Variants in ANK3 observed in about 807,000 individuals in gnomAD.
ANK3 encodes ankyrin 3, also known as ankyrin-3.
Under a neutral mutation model 370.9 loss-of-function variants are expected in ANK3, and 57 were observed. The ratio of observed to expected loss-of-function variants is 0.15; its 90% CI spans 0.12 to 0.19. The LOEUF (loss-of-function observed/expected upper bound fraction) is 0.19, where lower values mean the gene tolerates loss of function less well. ANK3 is among the 10% of genes least tolerant of loss of function. The probability of loss-of-function intolerance (pLI) is 1.00; values close to 1 mark genes in which losing one functional copy is unlikely to be tolerated. For synonymous variants in ANK3, 1,929 were observed against 1,946.3 expected (o/e 0.99, Z 0.23); for missense variants, 4,439 against 5,302.1 (o/e 0.84, Z 5.06).
intron 2 of ANK3, among the ~76,000 whole-genome samples, chr10:60,469,328 T>TAC (rs376508243): frequency 0.017 from 50 of 3,028 alleles, 1 homozygote; most frequent in African/African-American, 0.021. Context: ...TGTATATATA[T>TAC]ATATACCACT....
At chr10:60,732,684 G>GAAAAC (rs901512388) in intron 1 of ANK3, among the ~76,000 whole-genome samples, 5 of 151,904 alleles carry the variant, frequency 3.3e-5, no homozygotes, top group African/African-American at 9.7e-5. Flanking sequence ...TTTCAAAAAA[G>GAAAAC]AAAACAAAAC....
Position 60,082,612 on chromosome 10 carries a change from T to C in ANK3, c.4323+3A>G. ...GACAATTTAAAGCAGTATTAAAAGATACCTTTTTATGTGCTGGCAGAGTGA... is the reference window on the plus strand; with the variant it reads ...GACAATTTAAAGCAGTATTAAAAGACACCTTTTTATGTGCTGGCAGAGTGA... On this transcript the variant is annotated splice_donor_region_variant and intron_variant, in intron 34 of 43. Transcript: ENST00000280772. 1.2e-6 allele frequency: 2 copies of C among 1,613,386 alleles called. No individual in the cohort carries two copies. The highest frequency in any genetic ancestry group is 1.7e-6 in the Non-Finnish European group (2 of 1,179,764).
intron 18 of ANK3, among the ~76,000 whole-genome samples, chr10:60,180,654 C>A (rs1475401836): frequency 1.5e-5 from 2 of 136,596 alleles, no homozygotes; most frequent in Non-Finnish European, 3.1e-5. Context: ...ACAAATGACA[C>A]AAATCTGATA....
intron 1 of ANK3, among the ~76,000 whole-genome samples, chr10:60,342,520 G>C (rs1239486518): frequency 6.6e-6 from 1 of 152,162 alleles, no homozygotes; most frequent in African/African-American, 2.4e-5. Flanking sequence ...AATCAGTGAA[G>C]GGACACTCTG....
At position 60,070,780 on chromosome 10, in the gene ANK3, T is replaced by A. The variant is rs779742640; in HGVS notation, c.10101A>T (p.Lys3367Asn). ...QKELESNGSG[K>N]DNEFGLGLDS... Reference sequence around the variant, plus strand: ...CAAGGCCAAGGCCAAATTCATTATCTTTTCCAGATCCATTACTTTCCAGTT... The same window carrying A: ...CAAGGCCAAGGCCAAATTCATTATCATTTCCAGATCCATTACTTTCCAGTT... The change falls in exon 37 of 44, where the codon AAA (lysine) becomes AAT (asparagine). Residue 3367 changes from lysine to asparagine, a missense_variant. This residue lies in a region of ANK3 where 1,601 missense variants were observed against 1,731.7 expected (regional missense o/e 0.92). Transcript: ENST00000280772. The surrounding 1 kb of genome is among the most constrained non-coding windows in gnomAD (Gnocchi z 5.7). 6.2e-7 allele frequency: 1 copy of A among 1,614,098 alleles called. No homozygotes were observed. Among genetic ancestry groups the A allele is most frequent in the Non-Finnish European group, 8.5e-7 (1 of 1,180,034 alleles).
intron 1 of ANK3, among the ~76,000 whole-genome samples, chr10:60,715,543 C>A (rs2079774246): frequency 6.6e-6 from 1 of 152,080 alleles, no homozygotes; most frequent in Non-Finnish European, 1.5e-5. Context: ...ACAAAGAGAA[C>A]AATTTAAACA....
intron 2 of ANK3, among the ~76,000 whole-genome samples, chr10:60,408,690 C>T (rs757456991): frequency 8.5e-5 from 13 of 152,150 alleles, no homozygotes; most frequent in Non-Finnish European, 1.3e-4. Flanking sequence ...AAGTATCAAT[C>T]TCTTTACTCC....
chr10:60,321,877 A>G (rs2048746297), intron 1 of ANK3, among the ~76,000 whole-genome samples: 1 of 152,158 alleles, frequency 6.6e-6, no homozygotes, highest in African/African-American at 2.4e-5. Flanking sequence ...TTTTTTTTCA[A>G]TATACCCACA....
intron 18 of ANK3, among the ~76,000 whole-genome samples, chr10:60,173,978 C>T (rs549855052): frequency 5.9e-5 from 9 of 152,154 alleles, no homozygotes; most frequent in East Asian, 3.9e-4. Context: ...CATACTACCC[C>T]GCAATTTCAG....
intron 1 of ANK3, among the ~76,000 whole-genome samples, chr10:60,350,759 A>G (rs2056683564): frequency 6.6e-6 from 1 of 152,168 alleles, no homozygotes; most frequent in African/African-American, 2.4e-5. Context: ...TCAAAAAGGA[A>G]AAGGATCCCA....
At chr10:60,372,784 G>A (rs563962890) in intron 1 of ANK3, among the ~76,000 whole-genome samples, 21 of 152,132 alleles carry the variant, frequency 1.4e-4, no homozygotes, top group Non-Finnish European at 1.8e-4. Flanking sequence ...CTTCGAAACC[G>A]ATGTATTTAT....
intron 2 of ANK3, among the ~76,000 whole-genome samples, chr10:60,506,392 C>T (rs2075942531): frequency 6.6e-6 from 1 of 152,036 alleles, no homozygotes; most frequent in African/African-American, 2.4e-5. Flanking sequence ...TATTTCCGAA[C>T]TTCTATTAAA....
Position 60,200,125 on chromosome 10 carries a change from A to G in ANK3, c.1491+4T>C, listed in dbSNP as rs765680287. On this transcript the variant is annotated splice_donor_region_variant and intron_variant, in intron 13 of 43. Coordinates refer to ENST00000280772, the MANE Select transcript of ANK3 (RefSeq NM_020987.5). ...TTCAAACACTTGTCAAGTATTGCGC[A>G]TACCTTAGCTTTAGCTTCTACCTGA... The G allele has an allele frequency of 5.0e-6, 8 of 1,612,980 alleles. No homozygotes were observed. The highest frequency in any genetic ancestry group is 1.6e-4 in the Middle Eastern group (1 of 6,082).
At chr10:60,669,379 G>C (rs1037701090) in intron 1 of ANK3, among the ~76,000 whole-genome samples, 1 of 152,126 alleles carries the variant, frequency 6.6e-6, no homozygotes, top group Non-Finnish European at 1.5e-5. Context: ...TTATCTACTG[G>C]TGATTTTGGT....
intron 3 of ANK3, 42 bp downstream of exon 3, chr10:60,279,008 C>G: frequency 6.3e-7 from 1 of 1,594,292 alleles, no homozygotes; most frequent in Middle Eastern, 1.7e-4. Context: ...CCTCACAGAA[C>G]ATGGCGAGTG....
At chr10:60,291,125 T>G (rs751512941) in intron 1 of ANK3, among the ~76,000 whole-genome samples, 1 of 152,124 alleles carries the variant, frequency 6.6e-6, no homozygotes, top group Non-Finnish European at 1.5e-5. Flanking sequence ...AAAACACATG[T>G]CAGGTGCTGG....
intron 1 of ANK3, among the ~76,000 whole-genome samples, chr10:60,368,230 T>TACAC (rs3045441): frequency 0.11 from 16,421 of 149,530 alleles, 922 homozygotes; most frequent in South Asian, 0.13. Flanking sequence ...CTAGTGCATG[T>TACAC]ACACACACAC....
chr10:60,664,956 C>T (rs2078978361), intron 1 of ANK3, among the ~76,000 whole-genome samples: 1 of 152,126 alleles, frequency 6.6e-6, no homozygotes, highest in Admixed American at 6.5e-5. Context: ...ACCATAGAAT[C>T]AATTATAAAT....
At chr10:60,289,264 C>CTT (rs34525147) in intron 1 of ANK3, among the ~76,000 whole-genome samples, 7 of 134,572 alleles carry the variant, frequency 5.2e-5, no homozygotes, top group Non-Finnish European at 6.3e-5. Flanking sequence ...TATGCCCTGC[C>CTT]TTTTTTTTTT....
Sources: allele counts gnomAD v4.1 joint callset (sites outside exome capture counted in the v4.1 genomes callset), GRCh38; gene constraint gnomAD v4.1.1; regional missense constraint gnomAD v4.1.1; non-coding constraint Gnocchi (gnomAD v3.1); transcripts MANE v1.5; gene names NCBI Gene and HGNC (gene_info 2026-07-23, HGNC 2026-07-21).